KCNC2: variants seen among roughly 807,000 people sequenced by gnomAD.
The protein encoded by KCNC2 is voltage-gated potassium channel KCNC2.
In KCNC2, 21 loss-of-function variants were observed where a neutral mutation model predicts 44.5. That is an observed-to-expected ratio of 0.47 (90% CI 0.33 to 0.68). KCNC2 has a LOEUF of 0.68. Among genes scored for constraint, KCNC2 ranks in the 30% least tolerant of loss-of-function variants. The pLI, the probability that KCNC2 is intolerant of heterozygous loss-of-function variation, is 0.01. For missense variants in KCNC2, 589 were observed against 826.2 expected (o/e 0.71, Z 3.52); for synonymous variants, 391 against 339.1 (o/e 1.15, Z -1.68).
In KCNC2 at chr12:75,050,528, T is replaced by C. The variant is rs1881059923; in HGVS notation, c.1477A>G (p.Arg493Gly). The change falls in exon 3 of 5, where the codon AGA becomes GGA. Residue 493 changes from arginine to glycine, a missense_variant. By Grantham distance (125) the Arg-to-Gly change is moderately radical (BLOSUM62 -2). Around this residue, in one of 7 missense-constraint regions of KCNC2, gnomAD observed 171 missense variants for 182.4 expected, o/e 0.94. Coordinates refer to ENST00000549446, the MANE Select transcript of KCNC2 (RefSeq NM_139137.4). ...GGAGCAGGAGGGATGTGCTTCTTTCTTTTCCTTGGAAGTTTCTGCTTTGCC... is the reference window on the plus strand; with the variant it reads ...GGAGCAGGAGGGATGTGCTTCTTTCCTTTCCTTGGAAGTTTCTGCTTTGCC... ...AMAKQKLPRKRKKHIPPAPQA... is the reference protein window; with the variant it reads ...AMAKQKLPRKGKKHIPPAPQA... The C allele has an allele frequency of 6.2e-7, 1 of 1,613,568 alleles. No homozygotes were observed. Among genetic ancestry groups the C allele is most frequent in the South Asian group, 1.1e-5 (1 of 91,084 alleles).
Position 75,076,135 on chromosome 12 carries a change from T to C in KCNC2, c.688-24818A>G, listed in dbSNP as rs1883948698. The stretch of plus-strand genomic sequence containing the variant: ...AGTAATTTTATGAAAGCCACACAAA[T>C]AGAAGGCCTGGTACTCATTTAAACA... On this transcript the variant is annotated intron_variant, in intron 2 of 4. Transcript: ENST00000549446. 4.7e-5 allele frequency among the ~76,000 whole-genome samples: 7 copies of C among 150,158 alleles called. No homozygotes were observed. In the South Asian group the frequency reaches 1.5e-3, roughly 32 times the overall value.
At chr12:75,202,598 T>C (rs1188544234) in intron 2 of KCNC2, among the ~76,000 whole-genome samples, 1 of 151,756 alleles carries the variant, frequency 6.6e-6, no homozygotes, top group Non-Finnish European at 1.5e-5. Flanking sequence ...CACCTCCAAA[T>C]AGCTCAATTG....
chr12:75,114,508 C>T (rs955282907), intron 2 of KCNC2, among the ~76,000 whole-genome samples: 1 of 152,112 alleles, frequency 6.6e-6, no homozygotes, highest in Non-Finnish European at 1.5e-5. Flanking sequence ...AGTCTTGGCC[C>T]CCTGAGCCTG....
chr12:75,124,771 A>G (rs2137304351), intron 2 of KCNC2: 1 of 152,284 alleles, frequency 6.6e-6, no homozygotes, highest in South Asian at 2.1e-4. Flanking sequence ...TTACTTTCTT[A>G]GCTTGTTTCT....
At chr12:75,073,864 G>A (rs1436806466) in intron 2 of KCNC2, among the ~76,000 whole-genome samples, 1 of 152,054 alleles carries the variant, frequency 6.6e-6, no homozygotes. Flanking sequence ...AATAAAACTA[G>A]ATATATATTT....
chr12:75,103,990 A>G (rs1039910257), intron 2 of KCNC2, among the ~76,000 whole-genome samples: 1 of 152,154 alleles, frequency 6.6e-6, no homozygotes, highest in Non-Finnish European at 1.5e-5. Context: ...TGTGAGTGTT[A>G]GGCTACTATT....
intron 2 of KCNC2, among the ~76,000 whole-genome samples, chr12:75,106,014 C>T (rs890023121): frequency 6.6e-6 from 1 of 151,138 alleles, no homozygotes; most frequent in African/African-American, 2.4e-5. Context: ...AAAATTCAAT[C>T]ATTAGGATAC....
At position 75,160,886 on chromosome 12, in the gene KCNC2, T is replaced by C. The variant is rs149650439; in HGVS notation, c.687+46411A>G. Among the ~76,000 whole-genome samples, 345 of 151,956 alleles carry C rather than the reference T, an allele frequency of 2.3e-3. 1 individual carries two copies. Among genetic ancestry groups the C allele is most frequent in the African/African-American group, 8.0e-3 (334 of 41,534 alleles). ...AGTTTTAAAACATAATTCTCAAGCA[T>C]ATTATTGATCTTAAATCTTCAAAAT... On this transcript the variant is annotated intron_variant, in intron 2 of 4. Transcript: ENST00000549446.
chr12:75,182,118 C>G (rs762933452), intron 2 of KCNC2, among the ~76,000 whole-genome samples: 2 of 151,290 alleles, frequency 1.3e-5, no homozygotes, highest in African/African-American at 2.4e-5. Context: ...GAATTTCCAC[C>G]CAGGTAGTCT....
At chr12:75,062,538 G>A (rs573305728) in intron 2 of KCNC2, among the ~76,000 whole-genome samples, 1 of 152,140 alleles carries the variant, frequency 6.6e-6, no homozygotes, top group East Asian at 1.9e-4. Context: ...CTTTAAAAAT[G>A]TGTTTATTAT....
At chr12:75,104,940 A>AT (rs1239515380) in intron 2 of KCNC2, among the ~76,000 whole-genome samples, 2 of 152,170 alleles carry the variant, frequency 1.3e-5, no homozygotes, top group East Asian at 3.9e-4. Context: ...TATTCAACAA[A>AT]TTTTTTTAGT....
chr12:75,170,107 C>G (rs1336669473), intron 2 of KCNC2, among the ~76,000 whole-genome samples: 4 of 151,610 alleles, frequency 2.6e-5, no homozygotes, highest in African/African-American at 7.3e-5. Context: ...TTTTTCTTTT[C>G]TCAAGGTGAA....
chr12:75,117,345 C>A (rs1207140747), intron 2 of KCNC2, among the ~76,000 whole-genome samples: 4 of 152,156 alleles, frequency 2.6e-5, no homozygotes, highest in Non-Finnish European at 5.9e-5. Context: ...ATCTTGACTA[C>A]AACCACCAAT....
At position 75,159,123 on chromosome 12, in the gene KCNC2, T is replaced by TG. The variant is rs1228738600; in HGVS notation, c.687+48173dup. On this transcript the variant is annotated intron_variant, in intron 2 of 4. Transcript: ENST00000549446. ...TCACACACCAGGGCCTGTCGGAGGG[T>TG]GGGGGGGAAAGGGGAGGGATAGTAT... is the stretch of plus-strand genomic sequence containing the variant. Among the ~76,000 whole-genome samples the TG allele has an allele frequency of 2.8e-4, 7 of 24,836 alleles. No individual in the cohort carries two copies. In the East Asian group the frequency reaches 3.8e-3, roughly 13 times the overall value. The allele number at this position is 24,836 out of a possible 152,430, so 16.3% of individuals were successfully genotyped here.
chr12:75,157,035 A>G (rs1187708195), intron 2 of KCNC2, among the ~76,000 whole-genome samples: 1 of 151,866 alleles, frequency 6.6e-6, no homozygotes, highest in Non-Finnish European at 1.5e-5. Flanking sequence ...CTGCTCTGGT[A>G]TCCCTCTGTG....
intron 2 of KCNC2, among the ~76,000 whole-genome samples, chr12:75,082,637 C>A (rs1884619443): frequency 6.6e-6 from 1 of 150,528 alleles, no homozygotes; most frequent in African/African-American, 2.4e-5. Context: ...GAAGTAACCT[C>A]AATACCCAGG....
At chr12:75,119,352 T>C (rs1460472513) in intron 2 of KCNC2, among the ~76,000 whole-genome samples, 1 of 116,200 alleles carries the variant, frequency 8.6e-6, no homozygotes, top group Non-Finnish European at 1.6e-5. Flanking sequence ...TAATCACTGC[T>C]AGGAAGGTGG....
At chr12:75,050,239 T>G in intron 3 of KCNC2, 151 bp downstream of exon 3, 1 of 617,604 alleles carries the variant, frequency 1.6e-6, no homozygotes, top group Non-Finnish European at 2.8e-6. Context: ...AGTCTAGCTA[T>G]CTACAAGCCT....
chr12:75,154,894 A>T (rs1890651121), intron 2 of KCNC2, among the ~76,000 whole-genome samples: 1 of 151,912 alleles, frequency 6.6e-6, no homozygotes, highest in Non-Finnish European at 1.5e-5. Flanking sequence ...TTTCTTTTAC[A>T]TTTTTGGACA....
Sources: gnomAD v4.1 joint callset for allele counts (sites outside exome capture counted in the v4.1 genomes callset) on GRCh38, gnomAD v4.1.1 for gene constraint, gnomAD v4.1.1 regional missense constraint, MANE v1.5 for transcripts, NCBI Gene and HGNC (gene_info 2026-07-23, HGNC 2026-07-21) for gene names.